The following ANKRD28 variants were observed in gnomAD, a reference collection of about 807,000 sequenced individuals.
ANKRD28 encodes the protein serine/threonine-protein phosphatase 6 regulatory ankyrin repeat subunit A.
A neutral mutation model predicts 126.5 loss-of-function variants in ANKRD28; 44 were observed. That is an observed-to-expected ratio of 0.35 (90% confidence interval 0.27 to 0.45). The LOEUF (loss-of-function observed/expected upper bound fraction) is 0.45. Ranked by LOEUF, ANKRD28 falls within the 20% of genes least tolerant of loss-of-function variation. The probability of loss-of-function intolerance (pLI) is 1.00; values close to 1 mark genes in which losing one functional copy is unlikely to be tolerated. For synonymous variants in ANKRD28, 442 were observed against 468.5 expected (o/e 0.94, Z 0.73); for missense variants, 1,110 against 1,316.6 (o/e 0.84, Z 2.43).
chr3:15,751,582 G>C (rs951630686), intron 4 of ANKRD28, among the ~76,000 whole-genome samples, 168 bp downstream of exon 4: 5 of 152,112 alleles, frequency 3.3e-5, no homozygotes, highest in Non-Finnish European at 5.9e-5. Context: ...AACAAAAGAA[G>C]AAATGAAACA....
In ANKRD28 at chr3:15,845,192, T is replaced by C. The variant is rs560074262; in HGVS notation, c.27+14185A>G. Among the ~76,000 whole-genome samples, 8 of 152,348 alleles carry C rather than the reference T, an allele frequency of 5.3e-5. No homozygotes were observed. The South Asian group carries it at 1.0e-3, about 20-fold the overall frequency. ...GATTTAGGCACACAAATCCAAACCATATCACTATTTTAAAAATAACTTACA... is the reference window on the plus strand; with the variant it reads ...GATTTAGGCACACAAATCCAAACCACATCACTATTTTAAAAATAACTTACA... On this transcript the variant is annotated intron_variant, in intron 1 of 27. Coordinates refer to the ANKRD28 transcript ENST00000399451. This position sits in a 1 kb window ranked among gnomAD's most constrained non-coding sequence, Gnocchi z 4.9.
At chr3:15,678,125 T>G (rs1354295697) in intron 24 of ANKRD28, 84 bp downstream of exon 24, 1 of 1,325,066 alleles carries the variant, frequency 7.5e-7, no homozygotes, top group African/African-American at 1.5e-5. Context: ...AGATAACTAG[T>G]TGAAGTCAGA....
chr3:15,833,586 G>T lies in ANKRD28; in HGVS notation c.27+25791C>A, dbSNP rs919220786. On this transcript the variant is annotated intron_variant, in intron 1 of 27. Coordinates refer to the ANKRD28 transcript ENST00000399451. This position sits in a 1 kb window ranked among gnomAD's most constrained non-coding sequence, Gnocchi z 4.4. ...GTGTGTATATATATATCTCCTATTA[G>T]TTCTGTCCCTCTAGAGAACCCTAAT... Among the ~76,000 whole-genome samples the T allele has an allele frequency of 4.0e-5, 6 of 148,896 alleles. No homozygotes were observed. Among genetic ancestry groups the T allele is most frequent in the Admixed American group, 1.3e-4 (2 of 14,900 alleles).
At position 15,749,109 on chromosome 3, in the gene ANKRD28, T is replaced by G. The variant is rs1187705106; in HGVS notation, c.351+2641A>C. Among the ~76,000 whole-genome samples, 6 of 133,812 alleles carry G rather than the reference T, an allele frequency of 4.5e-5. 1 individual carries two copies. Among genetic ancestry groups the G allele is most frequent in the Non-Finnish European group, 9.4e-5 (6 of 63,854 alleles). 87.8% of individuals were successfully genotyped at this position (133,812 alleles called of 152,430 possible). A position where few individuals can be genotyped will look rare whatever the true frequency, so the allele number is the denominator to read the frequency against. ...TTCTATATTATGTTTTTGTTTTTTT[T>G]TTTTTTTTTTTTGAGACGGAGTCTC... On this transcript the variant is annotated intron_variant, in intron 4 of 27. Coordinates refer to ENST00000683139, the MANE Select transcript of ANKRD28 (RefSeq NM_001349278.2).
chr3:15,748,259 T>TA (rs750301691), intron 4 of ANKRD28, among the ~76,000 whole-genome samples: 2 of 152,190 alleles, frequency 1.3e-5, no homozygotes, highest in African/African-American at 4.8e-5. Flanking sequence ...TACCTTTTTT[T>TA]AAAAATCATA....
intron 8 of ANKRD28, among the ~76,000 whole-genome samples, chr3:15,719,254 C>T (rs368804791): frequency 5.9e-4 from 90 of 151,996 alleles, no homozygotes; most frequent in Non-Finnish European, 1.0e-3. Flanking sequence ...AGAATTGACC[C>T]GTGGCATCAT....
At chr3:15,827,705 A>C (rs560244048) in intron 1 of ANKRD28, among the ~76,000 whole-genome samples, 2 of 152,350 alleles carry the variant, frequency 1.3e-5, no homozygotes, top group South Asian at 4.1e-4. Context: ...CTATGGCACC[A>C]GAACCACAGG....
chr3:15,774,536 A>G (rs2059167749), intron 2 of ANKRD28, among the ~76,000 whole-genome samples: 2 of 152,204 alleles, frequency 1.3e-5, no homozygotes, highest in African/African-American at 4.8e-5. Flanking sequence ...GTATAATTTA[A>G]CTGCAAATAT....
chr3:15,737,291 C>T, intron 4 of ANKRD28, 58 bp from the exon 5 acceptor site: 4 of 1,440,018 alleles, frequency 2.8e-6, no homozygotes, highest in Non-Finnish European at 3.8e-6. Context: ...GAAATTATTT[C>T]TATATATAGT....
intron 1 of ANKRD28, among the ~76,000 whole-genome samples, chr3:15,827,388 A>G (rs2061091130): frequency 6.6e-6 from 1 of 152,184 alleles, no homozygotes; most frequent in African/African-American, 2.4e-5. Flanking sequence ...AATAAATGAA[A>G]AAAAAGTGGT....
At chr3:15,697,678 T>C (rs138443941) in intron 14 of ANKRD28, among the ~76,000 whole-genome samples, 25 of 152,290 alleles carry the variant, frequency 1.6e-4, no homozygotes, top group Non-Finnish European at 2.2e-4. Flanking sequence ...GATTTTCGCA[T>C]TGATGTTCAT....
At chr3:15,685,674 T>C (rs2068028159) in intron 20 of ANKRD28, among the ~76,000 whole-genome samples, 1 of 152,172 alleles carries the variant, frequency 6.6e-6, no homozygotes. Flanking sequence ...AGAGAGAAAC[T>C]TGGTATTCAA....
chr3:15,724,205 T>G (rs2073995050), intron 7 of ANKRD28, among the ~76,000 whole-genome samples, 177 bp downstream of exon 7: 1 of 152,234 alleles, frequency 6.6e-6, no homozygotes, highest in East Asian at 1.9e-4. Context: ...TTTGACTATT[T>G]ACATGCCTTG....
intron 2 of ANKRD28, among the ~76,000 whole-genome samples, chr3:15,767,599 C>T (rs575756338): frequency 5.5e-4 from 83 of 149,852 alleles, no homozygotes; most frequent in Non-Finnish European, 1.0e-3. Context: ...CAGTGGCTCA[C>T]GCCTGTAATC....
Position 15,721,138 on chromosome 3 carries a change from G to T in ANKRD28, c.784-11C>A, listed in dbSNP as rs1192956629. ...ATTTGGTTCATTCATCTATTAGAAG[G>T]GAAAAAAATGCGAATGTTAAAGTAG... On this transcript the variant is annotated splice_polypyrimidine_tract_variant and intron_variant, in intron 7 of 27. Coordinates refer to ENST00000683139, the MANE Select transcript of ANKRD28 (RefSeq NM_001349278.2). 2.5e-6 allele frequency: 4 copies of T among 1,591,290 alleles called. No individual in the cohort carries two copies. Among genetic ancestry groups the T allele is most frequent in the South Asian group, 1.1e-5 (1 of 87,212 alleles).
At chr3:15,733,566 G>A (rs191868031) in intron 6 of ANKRD28, 90 of 151,774 alleles carry the variant, frequency 5.9e-4, no homozygotes, top group African/African-American at 1.9e-3. Context: ...ACTATTCTTC[G>A]GTGATAATAT....
chr3:15,841,093 C>G (rs1385222048), intron 1 of ANKRD28, among the ~76,000 whole-genome samples: 1 of 152,004 alleles, frequency 6.6e-6, no homozygotes, highest in East Asian at 1.9e-4. Flanking sequence ...AGCCGAGATC[C>G]GCGCCACTGC....
chr3:15,704,213 C>T (rs1453809722), intron 14 of ANKRD28, among the ~76,000 whole-genome samples: 1 of 151,956 alleles, frequency 6.6e-6, no homozygotes, highest in Non-Finnish European at 1.5e-5. Context: ...AAAATAAAGA[C>T]ACTTCAGAGG....
In ANKRD28 at chr3:15,697,545, G is replaced by T. The variant is rs1007484449; in HGVS notation, c.1548-1300C>A. Among the ~76,000 whole-genome samples, 3 of 151,998 alleles carry T rather than the reference G, an allele frequency of 2.0e-5. 1 individual carries two copies. Among genetic ancestry groups the T allele is most frequent in the Admixed American group, 1.3e-4 (2 of 15,246 alleles). On this transcript the variant is annotated intron_variant, in intron 14 of 27. Coordinates refer to ENST00000683139, the MANE Select transcript of ANKRD28 (RefSeq NM_001349278.2). ...TGCCATTGGTTCTGTTTATGTGATG[G>T]ATTACGTGTATTGATTTGCGTACGT...
Sources: allele counts gnomAD v4.1 joint callset (sites outside exome capture counted in the v4.1 genomes callset), GRCh38; gene constraint gnomAD v4.1.1; non-coding constraint Gnocchi (gnomAD v3.1); transcripts MANE v1.5; gene names NCBI Gene and HGNC (gene_info 2026-07-23, HGNC 2026-07-21).